TMEM266: variants seen among roughly 807,000 people sequenced by gnomAD.
TMEM266 encodes transmembrane protein 266.
A neutral mutation model predicts 50.5 loss-of-function variants in TMEM266; 33 were observed. The ratio of observed to expected loss-of-function variants is 0.65; its 90% CI spans 0.50 to 0.87. The LOEUF (loss-of-function observed/expected upper bound fraction) is 0.87, where lower values mean the gene tolerates loss of function less well. TMEM266 is among the 40% of genes least tolerant of loss of function. The probability of loss-of-function intolerance (pLI) is 0.00; values close to 1 mark genes in which losing one functional copy is unlikely to be tolerated. For synonymous variants in TMEM266, 310 were observed against 292.3 expected (o/e 1.06, Z -0.62); for missense variants, 655 against 695.1 (o/e 0.94, Z 0.65).
intron 5 of TMEM266, among the ~76,000 whole-genome samples, chr15:76,162,896 C>T (rs1490319550): frequency 6.6e-6 from 1 of 152,146 alleles, no homozygotes. Flanking sequence ...GGCTGTGGGC[C>T]GAGGGTGGGG....
chr15:76,167,286 T>C (rs1009675809), intron 5 of TMEM266, among the ~76,000 whole-genome samples: 2 of 151,754 alleles, frequency 1.3e-5, no homozygotes, highest in African/African-American at 4.8e-5. Flanking sequence ...CTGGCTAACA[T>C]GGTGAAACCC....
intron 1 of TMEM266, among the ~76,000 whole-genome samples, chr15:76,114,942 T>A (rs2037225743): frequency 6.6e-6 from 1 of 152,144 alleles, no homozygotes; most frequent in Admixed American, 6.5e-5. Flanking sequence ...CCATAATGTG[T>A]TCAAGGTTCA....
Position 76,203,817 on chromosome 15 carries a change from G to A in TMEM266, c.1098G>A (p.Ser366=), listed in dbSNP as rs548461935. Reference sequence around the variant, plus strand: ...ACATTCACCAGCCCAACATCTCCTCGGACCTCTTCTCTCTGGACATGCCCC... The same window carrying A: ...ACATTCACCAGCCCAACATCTCCTCAGACCTCTTCTCTCTGGACATGCCCC... Residue 366 remains serine, a synonymous_variant, in exon 11 of 11, where the codon TCG becomes TCA. Transcript: ENST00000388942. 38 of 1,614,178 alleles carry A rather than the reference G, an allele frequency of 2.4e-5. No individual in the cohort carries two copies. The highest frequency in any genetic ancestry group is 2.3e-4 in the African/African-American group (17 of 75,044).
chr15:76,191,496 C>T, intron 8 of TMEM266: 1 of 153,388 alleles, frequency 6.5e-6, no homozygotes. Flanking sequence ...AGTGTTCAGA[C>T]CAGCGGGCAG....
intron 1 of TMEM266, among the ~76,000 whole-genome samples, chr15:76,102,207 T>G (rs540643493): frequency 6.6e-6 from 1 of 152,362 alleles, no homozygotes; most frequent in East Asian, 1.9e-4. Flanking sequence ...AACTATTTCT[T>G]GAGCAGCTTT....
At chr15:76,069,362 G>A (rs1022671900) in intron 1 of TMEM266, among the ~76,000 whole-genome samples, 9 of 152,176 alleles carry the variant, frequency 5.9e-5, no homozygotes, top group Non-Finnish European at 1.0e-4. Flanking sequence ...ACCTCAAAGC[G>A]AGATGATTGC....
At chr15:76,123,700 C>A (rs1186003355) in intron 1 of TMEM266, among the ~76,000 whole-genome samples, 41 of 151,306 alleles carry the variant, frequency 2.7e-4, no homozygotes, top group Admixed American at 2.7e-3. Flanking sequence ...ATGCCTATCC[C>A]CAAGGGATGA....
chr15:76,185,916 C>A (rs541414467), intron 8 of TMEM266, among the ~76,000 whole-genome samples: 2 of 152,298 alleles, frequency 1.3e-5, no homozygotes, highest in South Asian at 4.1e-4. Flanking sequence ...ATTGGACACA[C>A]AGTGAAACCA....
intron 1 of TMEM266, among the ~76,000 whole-genome samples, chr15:76,060,752 C>G (rs558597397): frequency 6.6e-6 from 1 of 152,308 alleles, no homozygotes; most frequent in Non-Finnish European, 1.5e-5. Flanking sequence ...TGCATCTGAA[C>G]ATGACTAAAG....
intron 3 of TMEM266, among the ~76,000 whole-genome samples, chr15:76,147,122 G>A (rs1596134076): frequency 1.3e-5 from 2 of 152,344 alleles, no homozygotes; most frequent in South Asian, 4.1e-4. Context: ...GATCTCTGTG[G>A]AGTCGAGGAA....
chr15:76,150,706 G>A (rs958815573), intron 3 of TMEM266, among the ~76,000 whole-genome samples: 4 of 152,086 alleles, frequency 2.6e-5, no homozygotes, highest in South Asian at 2.1e-4. Flanking sequence ...CCATCCTGGC[G>A]CCACACGGCT....
At chr15:76,091,295 C>T (rs2036844109) in intron 1 of TMEM266, among the ~76,000 whole-genome samples, 1 of 151,978 alleles carries the variant, frequency 6.6e-6, no homozygotes, top group African/African-American at 2.4e-5. Context: ...ATAAAAGGAA[C>T]TCAACAAAGA....
At position 76,086,540 on chromosome 15, in the gene TMEM266, A is replaced by G. The variant is rs1023847495; in HGVS notation, c.-97+26524A>G. Among the ~76,000 whole-genome samples the G allele has an allele frequency of 2.8e-4, 42 of 152,218 alleles. 1 individual carries two copies. The highest frequency in any genetic ancestry group is 1.0e-3 in the African/African-American group (42 of 41,446). ...CAACAAAAGCAGAGATTTGTTAAAA[A>G]TGAAAGTACTCTCCACAGGCTGGGA... On this transcript the variant is annotated intron_variant, in intron 1 of 10. Transcript: ENST00000388942.
chr15:76,072,497 G>A (rs1263164861), intron 1 of TMEM266, among the ~76,000 whole-genome samples: 1 of 151,058 alleles, frequency 6.6e-6, no homozygotes, highest in Non-Finnish European at 1.5e-5. Flanking sequence ...GACTTCCTGA[G>A]TCTAGTCCCA....
chr15:76,121,194 T>A (rs997514103), intron 1 of TMEM266, among the ~76,000 whole-genome samples: 52 of 152,270 alleles, frequency 3.4e-4, no homozygotes, highest in African/African-American at 1.2e-3. Context: ...AGCAGGGAAG[T>A]TGAAAGATTA....
intron 8 of TMEM266, 195 bp downstream of exon 8, chr15:76,175,869 G>T (rs369376526): frequency 7.1e-5 from 37 of 523,446 alleles, no homozygotes; most frequent in African/African-American, 7.0e-4. Flanking sequence ...GCCCAGCCAG[G>T]CATGGACTCA....
chr15:76,071,571 A>C (rs558089667), intron 1 of TMEM266, among the ~76,000 whole-genome samples: 2 of 152,208 alleles, frequency 1.3e-5, no homozygotes, highest in Admixed American at 6.5e-5. Context: ...GGAGATTCTC[A>C]TAAGGCCTCT....
chr15:76,140,871 CAAAAAA>C (rs3068699), intron 3 of TMEM266, among the ~76,000 whole-genome samples: 4 of 133,464 alleles, frequency 3.0e-5, no homozygotes, highest in African/African-American at 1.1e-4. Context: ...CCCATCTCTA[CAAAAAA>C]AAAAAAAAAA....
chr15:76,134,550 C>G (rs2037561550), intron 2 of TMEM266, among the ~76,000 whole-genome samples: 1 of 152,192 alleles, frequency 6.6e-6, no homozygotes, highest in Non-Finnish European at 1.5e-5. Context: ...CTTTATGAAA[C>G]CCGGGGCAGA....
Sources: allele counts gnomAD v4.1 joint callset (sites outside exome capture counted in the v4.1 genomes callset), GRCh38; gene constraint gnomAD v4.1.1; transcripts MANE v1.5; gene names NCBI Gene and HGNC (gene_info 2026-07-23, HGNC 2026-07-21).